The following BRD10 variants were observed in gnomAD, a reference collection of about 807,000 sequenced individuals.
BRD10 encodes the protein bromodomain containing 10, also known as uncharacterized bromodomain-containing protein 10.
At chr9:5,968,408 C>G in the BRD10 span, 1 of 1,612,622 alleles carries the variant, frequency 6.2e-7, no homozygotes. Context: ...CCTTATTTCA[C>G]CTGGACTAAG....
chr9:5,913,071 G>C, the BRD10 span, among the ~76,000 whole-genome samples: 1 of 152,112 alleles, frequency 6.6e-6, no homozygotes, highest in Admixed American at 6.6e-5. Context: ...TTCTGATATG[G>C]TCTCTCTGAT....
At chr9:5,882,457 T>C in the BRD10 span, among the ~76,000 whole-genome samples, 3 of 152,116 alleles carry the variant, frequency 2.0e-5, no homozygotes, top group Non-Finnish European at 2.9e-5. Flanking sequence ...CCCTGACAAA[T>C]TGAACCCTGA....
the BRD10 span, among the ~76,000 whole-genome samples, chr9:5,997,877 CA>C: frequency 6.6e-6 from 1 of 152,040 alleles, no homozygotes; most frequent in African/African-American, 2.4e-5. Flanking sequence ...AGAAGATACA[CA>C]AAAAGTAAGC....
the BRD10 span, among the ~76,000 whole-genome samples, chr9:5,944,235 T>C: frequency 6.6e-6 from 1 of 152,128 alleles, no homozygotes; most frequent in African/African-American, 2.4e-5. Context: ...GTTAAATAGG[T>C]GTTATTGATT....
At chr9:5,955,690 C>T in the BRD10 span, among the ~76,000 whole-genome samples, 9 of 148,932 alleles carry the variant, frequency 6.0e-5, no homozygotes, top group East Asian at 7.7e-4. Context: ...TAAGTATTGA[C>T]GGGTATCATT....
the BRD10 span, chr9:5,920,692 T>C: frequency 6.2e-7 from 1 of 1,613,982 alleles, no homozygotes; most frequent in Non-Finnish European, 8.5e-7. Flanking sequence ...TGGCTCCTGG[T>C]ACTGCTGCCG....
the BRD10 span, among the ~76,000 whole-genome samples, chr9:5,935,617 C>T: frequency 3.9e-5 from 6 of 152,142 alleles, no homozygotes; most frequent in Non-Finnish European, 7.4e-5. Flanking sequence ...TCCATATATG[C>T]TATCAGAAAG....
the BRD10 span, chr9:5,919,851 TA>T: frequency 1.9e-6 from 3 of 1,613,826 alleles, no homozygotes; most frequent in Non-Finnish European, 2.5e-6. Context: ...CCTTCTGGGC[TA>T]ACCAACAATT....
the BRD10 span, chr9:5,969,476 G>A: frequency 4.1e-5 from 53 of 1,286,756 alleles, no homozygotes; most frequent in East Asian, 7.6e-5. Flanking sequence ...TTATTCAGAG[G>A]GTACCATAAA....
chr9:5,908,382 T>C, the BRD10 span, among the ~76,000 whole-genome samples: 1 of 152,356 alleles, frequency 6.6e-6, no homozygotes, highest in East Asian at 1.9e-4. Context: ...TTTACTGTCA[T>C]GGAAAATCTA....
the BRD10 span, among the ~76,000 whole-genome samples, chr9:5,961,957 G>GTT: frequency 6.6e-6 from 1 of 151,304 alleles, no homozygotes; most frequent in Admixed American, 6.6e-5. Context: ...TTTTTGAAGG[G>GTT]TTTTTTGTGT....
chr9:5,920,126 T>G, the BRD10 span: 1 of 1,613,942 alleles, frequency 6.2e-7, no homozygotes, highest in South Asian at 1.1e-5. Flanking sequence ...TAGAGGATGT[T>G]GTAGAGGTTG....
the BRD10 span, among the ~76,000 whole-genome samples, chr9:5,917,450 T>C: frequency 3.5e-3 from 534 of 152,368 alleles, 4 homozygotes; most frequent in African/African-American, 0.012. Flanking sequence ...GAAGAGCTTT[T>C]AAAACTTTAA....
At chr9:5,968,007 G>C in the BRD10 span, 17 of 1,439,490 alleles carry the variant, frequency 1.2e-5, no homozygotes, top group South Asian at 1.9e-4. Flanking sequence ...CCATCCATTT[G>C]TGTTAGCTTA....
the BRD10 span, chr9:5,919,071 A>G: frequency 6.6e-6 from 1 of 152,618 alleles, no homozygotes; most frequent in Admixed American, 6.6e-5. Context: ...TGTTGCTAAC[A>G]GTTCACTGGT....
chr9:5,903,752 T>A, the BRD10 span, among the ~76,000 whole-genome samples: 6,031 of 152,304 alleles, frequency 0.04, 410 homozygotes, highest in African/African-American at 0.14. Context: ...TTATGTAATA[T>A]CCCTCTTTAT....
the BRD10 span, among the ~76,000 whole-genome samples, chr9:5,915,096 T>G: frequency 6.6e-6 from 1 of 152,216 alleles, no homozygotes; most frequent in Non-Finnish European, 1.5e-5. Context: ...GTTCATGATA[T>G]TATTTGCTAT....
the BRD10 span, among the ~76,000 whole-genome samples, chr9:6,000,891 T>G: frequency 6.6e-6 from 1 of 152,224 alleles, no homozygotes; most frequent in Non-Finnish European, 1.5e-5. Context: ...TTTACTAGAC[T>G]CTGTCCTGGG....
At chr9:5,941,307 G>A in the BRD10 span, among the ~76,000 whole-genome samples, 1 of 152,008 alleles carries the variant, frequency 6.6e-6, no homozygotes, top group African/African-American at 2.4e-5. Flanking sequence ...TAAGCAAAAT[G>A]CAAATTTTAT....
Sources: allele counts gnomAD v4.1 joint callset (sites outside exome capture counted in the v4.1 genomes callset), GRCh38; gene constraint gnomAD v4.1.1; transcripts MANE v1.5; gene names NCBI Gene and HGNC (gene_info 2026-07-23, HGNC 2026-07-21).